The following ZFPM2 variants were observed in gnomAD, a reference collection of about 807,000 sequenced individuals.
ZFPM2 encodes zinc finger protein ZFPM2.
A neutral mutation model predicts 98.6 loss-of-function variants in ZFPM2; 20 were observed. The observed-to-expected ratio is 0.20, with a 90% CI of 0.14 to 0.29. ZFPM2 has a LOEUF of 0.29. Ranked by LOEUF, ZFPM2 falls within the 10% of genes least tolerant of loss-of-function variation. ZFPM2 has a pLI of 1.00. For missense variants in ZFPM2, 1,310 were observed against 1,388.6 expected (o/e 0.94, Z 0.90); for synonymous variants, 518 against 502.7 (o/e 1.03, Z -0.41).
chr8:105,414,431 G>A (rs1431714633), intron 1 of ZFPM2, among the ~76,000 whole-genome samples: 2 of 151,922 alleles, frequency 1.3e-5, no homozygotes, highest in African/African-American at 2.4e-5. Context: ...ATTTATAGTA[G>A]GCTACCAAAG....
chr8:105,610,907 T>A (rs577078192), intron 4 of ZFPM2, among the ~76,000 whole-genome samples: 2 of 152,300 alleles, frequency 1.3e-5, no homozygotes, highest in South Asian at 2.1e-4. Context: ...AAGTGATATG[T>A]AGGGAGGCCA....
At chr8:105,400,402 A>G (rs1355631376) in intron 1 of ZFPM2, among the ~76,000 whole-genome samples, 1 of 152,038 alleles carries the variant, frequency 6.6e-6, no homozygotes, top group African/African-American at 2.4e-5. Flanking sequence ...TCCCAGTGCT[A>G]TCCCTCCCCA....
At chr8:105,526,885 G>A (rs1392549787) in intron 3 of ZFPM2, among the ~76,000 whole-genome samples, 1 of 152,030 alleles carries the variant, frequency 6.6e-6, no homozygotes, top group Non-Finnish European at 1.5e-5. Context: ...CTTGTAACAT[G>A]GGTCTCATCC....
rs568589346 is a variant in ZFPM2, at chr8:105,570,749, G to A, written c.420+9268G>A. 3.9e-5 allele frequency among the ~76,000 whole-genome samples: 6 copies of A among 152,158 alleles called. No individual in the cohort carries two copies. The South Asian group carries it at 1.0e-3, about 26-fold the overall frequency. On this transcript the variant is annotated intron_variant, in intron 4 of 7. Transcript: ENST00000407775. Reference sequence around the variant, plus strand: ...TTTACATTTGGACTTGGATTTGAAAGGTGGAAACACAATTCCTTGCTATAC... The same window carrying A: ...TTTACATTTGGACTTGGATTTGAAAAGTGGAAACACAATTCCTTGCTATAC...
chr8:105,458,034 G>A (rs1474054572), intron 3 of ZFPM2, among the ~76,000 whole-genome samples: 1 of 152,150 alleles, frequency 6.6e-6, no homozygotes, highest in Non-Finnish European at 1.5e-5. Flanking sequence ...GGTCTTGTGT[G>A]GTGTTTGGAA....
chr8:105,625,886 A>G (rs975796098), intron 4 of ZFPM2, among the ~76,000 whole-genome samples: 2 of 151,752 alleles, frequency 1.3e-5, no homozygotes, highest in African/African-American at 4.8e-5. Context: ...CTGTTTTTAT[A>G]TCACATCAAT....
chr8:105,680,745 A>G lies in ZFPM2; in HGVS notation c.532+46388A>G, dbSNP rs1810580914. The stretch of plus-strand genomic sequence containing the variant: ...AAAGAATATCTTGGGTCCTTGATAT[A>G]CTTTAAGATTTGGAATATTTTTATA... On this transcript the variant is annotated intron_variant, in intron 5 of 7. Coordinates refer to ENST00000407775, the MANE Select transcript of ZFPM2 (RefSeq NM_012082.4). Among the ~76,000 whole-genome samples, 3 of 152,214 alleles carry G rather than the reference A, an allele frequency of 2.0e-5. No individual in the cohort carries two copies. The South Asian group carries it at 6.2e-4, about 31-fold the overall frequency.
intron 5 of ZFPM2, among the ~76,000 whole-genome samples, chr8:105,769,709 C>T (rs748953006): frequency 6.6e-6 from 1 of 152,020 alleles, no homozygotes; most frequent in African/African-American, 2.4e-5. Flanking sequence ...TAAAACATAA[C>T]CACAATTTGT....
rs144178080 is a variant in ZFPM2, at chr8:105,564,525, T to A, written c.420+3044T>A. Reference sequence around the variant, plus strand: ...CTACTGTACATCAAATTGGTTAACATATATGTCTGAAAAATGGAAATAGAT... The same window carrying A: ...CTACTGTACATCAAATTGGTTAACAAATATGTCTGAAAAATGGAAATAGAT... On this transcript the variant is annotated intron_variant, in intron 4 of 7. Transcript: ENST00000407775. Among the ~76,000 whole-genome samples, 318 of 152,236 alleles carry A rather than the reference T, an allele frequency of 2.1e-3. 1 individual carries two copies. The highest frequency in any genetic ancestry group is 7.5e-3 in the African/African-American group (312 of 41,576).
At chr8:105,646,692 A>G (rs1000011387) in intron 5 of ZFPM2, among the ~76,000 whole-genome samples, 2 of 152,088 alleles carry the variant, frequency 1.3e-5, no homozygotes, top group African/African-American at 4.8e-5. Flanking sequence ...TGTATTTAAT[A>G]CTTTGATCTC....
chr8:105,793,910 C>T (rs962027872), intron 6 of ZFPM2, among the ~76,000 whole-genome samples: 3 of 151,966 alleles, frequency 2.0e-5, no homozygotes, highest in Non-Finnish European at 2.9e-5. Context: ...GTTCTCGAGC[C>T]TTGGCTTTCA....
chr8:105,520,958 C>T (rs1227233007), intron 3 of ZFPM2, among the ~76,000 whole-genome samples: 7 of 145,594 alleles, frequency 4.8e-5, no homozygotes. Context: ...TGAAGACCAT[C>T]CTCAGTAGTG....
chr8:105,506,905 A>G (rs1228274807), intron 3 of ZFPM2, among the ~76,000 whole-genome samples: 4 of 149,998 alleles, frequency 2.7e-5, no homozygotes, highest in East Asian at 2.0e-4. Flanking sequence ...GGAGAATGGC[A>G]TGAACCCAGG....
At chr8:105,350,303 C>T (rs966657101) in intron 1 of ZFPM2, among the ~76,000 whole-genome samples, 2 of 152,114 alleles carry the variant, frequency 1.3e-5, no homozygotes, top group Non-Finnish European at 2.9e-5. Flanking sequence ...AAATGATTTC[C>T]TTGGCCGTAG....
chr8:105,431,921 C>CAAAAAAAAAAAA lies in ZFPM2; in HGVS notation c.200-12351_200-12350insAAAAAAAAAAAA, dbSNP rs150549199. Reference sequence around the variant, plus strand: ...TGGGTGACAGAGCAAGACTGTGTCTCAAAAAAAAGAAAAAGAATGTGACAC... The same window carrying CAAAAAAAAAAAA: ...TGGGTGACAGAGCAAGACTGTGTCTCAAAAAAAAAAAAAAAAAAAAGAAAAAGAATGTGACAC... On this transcript the variant is annotated intron_variant, in intron 2 of 7. Transcript: ENST00000407775. 6.7e-4 allele frequency among the ~76,000 whole-genome samples: 90 copies of CAAAAAAAAAAAA among 133,390 alleles called. 3 individuals are homozygous for CAAAAAAAAAAAA. The highest frequency in any genetic ancestry group is 3.8e-3 in the Middle Eastern group (1 of 260). 87.5% of individuals were successfully genotyped at this position (133,390 alleles called of 152,430 possible). A position where few individuals can be genotyped will look rare whatever the true frequency, so the allele number is the denominator to read the frequency against.
chr8:105,461,793 A>G (rs1188252146), intron 3 of ZFPM2, among the ~76,000 whole-genome samples: 2 of 152,154 alleles, frequency 1.3e-5, no homozygotes, highest in African/African-American at 2.4e-5. Flanking sequence ...CTTTAGGGGT[A>G]CTATTCTCAT....
At chr8:105,493,215 C>T (rs1813390374) in intron 3 of ZFPM2, among the ~76,000 whole-genome samples, 2 of 152,156 alleles carry the variant, frequency 1.3e-5, no homozygotes, top group Non-Finnish European at 2.9e-5. Flanking sequence ...ATTAGCTTGG[C>T]CTCATATGAC....
chr8:105,535,424 TG>T (rs1369818289), intron 3 of ZFPM2, among the ~76,000 whole-genome samples: 12 of 152,068 alleles, frequency 7.9e-5, no homozygotes, highest in Non-Finnish European at 2.9e-5. Flanking sequence ...AGAAAACTGT[TG>T]GGGAAATGTT....
At chr8:105,469,934 A>G (rs898346750) in intron 3 of ZFPM2, among the ~76,000 whole-genome samples, 1 of 152,248 alleles carries the variant, frequency 6.6e-6, no homozygotes, top group Admixed American at 6.5e-5. Flanking sequence ...AAAAACTTTT[A>G]GCTAACATAA....
Sources: allele counts gnomAD v4.1 joint callset (sites outside exome capture counted in the v4.1 genomes callset), GRCh38; gene constraint gnomAD v4.1.1; transcripts MANE v1.5; gene names NCBI Gene and HGNC (gene_info 2026-07-23, HGNC 2026-07-21).